The following DMXL2 variants were observed in gnomAD, a reference collection of about 807,000 sequenced individuals.
DMXL2 encodes Dmx like 2.
A neutral mutation model predicts 331.1 loss-of-function variants in DMXL2; 103 were observed. The ratio of observed to expected loss-of-function variants is 0.31; its 90% CI spans 0.27 to 0.37. The LOEUF is 0.37. Ranked by LOEUF, DMXL2 falls within the 10% of genes least tolerant of loss-of-function variation. DMXL2 has a pLI of 1.00. For synonymous variants in DMXL2, 1,281 were observed against 1,252.1 expected (o/e 1.02, Z -0.49); for missense variants, 3,171 against 3,642.9 (o/e 0.87, Z 3.33).
chr15:51,587,956 A>C (rs1437824240), intron 1 of DMXL2, among the ~76,000 whole-genome samples: 1 of 152,170 alleles, frequency 6.6e-6, no homozygotes, highest in Non-Finnish European at 1.5e-5. Context: ...TTTTGGCTGC[A>C]TAAATGTCTT....
intron 6 of DMXL2, among the ~76,000 whole-genome samples, chr15:51,555,185 C>T (rs1268412510): frequency 6.6e-6 from 1 of 152,108 alleles, no homozygotes; most frequent in South Asian, 2.1e-4. Flanking sequence ...AATCACTCCA[C>T]CTGCTGGTTT....
At chr15:51,615,635 G>A (rs2054241312) in intron 1 of DMXL2, among the ~76,000 whole-genome samples, 1 of 152,178 alleles carries the variant, frequency 6.6e-6, no homozygotes, top group African/African-American at 2.4e-5. Context: ...GGAGGAAGTG[G>A]CCTTTGCTGA....
intron 1 of DMXL2, among the ~76,000 whole-genome samples, chr15:51,620,434 G>A (rs1185855764): frequency 1.3e-5 from 2 of 152,172 alleles, no homozygotes; most frequent in South Asian, 2.1e-4. Context: ...TTTAGAGTAA[G>A]AAGATCAGTA....
rs563865272 is a variant in DMXL2, at chr15:51,555,799, A to G, written c.567+7582T>C. 2.0e-5 allele frequency among the ~76,000 whole-genome samples: 3 copies of G among 152,302 alleles called. 1 individual carries two copies. Among genetic ancestry groups the G allele is most frequent in the African/African-American group, 7.2e-5 (3 of 41,568 alleles). On this transcript the variant is annotated intron_variant, in intron 6 of 43. Coordinates refer to ENST00000560891, the MANE Select transcript of DMXL2 (RefSeq NM_001378457.1). ...ATACAACTTACCAAAACTGACATAC[A>G]AAAGAAAAAGAAAATCTGAATAATT...
At chr15:51,535,178 T>C (rs2048217625) in intron 13 of DMXL2, among the ~76,000 whole-genome samples, 1 of 152,208 alleles carries the variant, frequency 6.6e-6, no homozygotes, top group African/African-American at 2.4e-5. Flanking sequence ...CAACTCTAGA[T>C]ACTAACATAT....
intron 1 of DMXL2, among the ~76,000 whole-genome samples, chr15:51,600,475 T>A (rs2053149286): frequency 6.6e-6 from 1 of 152,222 alleles, no homozygotes; most frequent in South Asian, 2.1e-4. Flanking sequence ...TTTAGTTCCC[T>A]AGGTCCTTTC....
At chr15:51,485,935 C>A in intron 23 of DMXL2, 138 bp downstream of exon 23, 1 of 880,150 alleles carries the variant, frequency 1.1e-6, no homozygotes, top group Non-Finnish European at 1.7e-6. Context: ...CCTTTAGACA[C>A]ACAAGAAATT....
chr15:51,476,833 A>AT, intron 26 of DMXL2, 114 bp from the exon 27 acceptor site: 1 of 734,444 alleles, frequency 1.4e-6, no homozygotes, highest in South Asian at 2.8e-5. Flanking sequence ...CTTAAAATGC[A>AT]TTCACTGTTC....
chr15:51,605,604 C>T lies in DMXL2; in HGVS notation c.87+16855G>A, dbSNP rs540659477. ...CAGGCCGGACTGCGGACTGCAGTGGCGCAATCTCGGCTCACTGCAAGCTCC... is the reference window on the plus strand; with the variant it reads ...CAGGCCGGACTGCGGACTGCAGTGGTGCAATCTCGGCTCACTGCAAGCTCC... On this transcript the variant is annotated intron_variant, in intron 1 of 43. Transcript: ENST00000560891. Among the ~76,000 whole-genome samples the T allele has an allele frequency of 6.3e-4, 24 of 38,010 alleles. 6 individuals carry two copies. Among genetic ancestry groups the T allele is most frequent in the African/African-American group, 1.5e-3 (21 of 13,794 alleles). The allele number at this position is 38,010 out of a possible 152,430, so 24.9% of individuals were successfully genotyped here.
chr15:51,532,399 G>T (rs1257318255), intron 13 of DMXL2, among the ~76,000 whole-genome samples: 2 of 152,090 alleles, frequency 1.3e-5, no homozygotes, highest in African/African-American at 4.8e-5. Context: ...GTAAGGGATT[G>T]GCAGGGAGGT....
At chr15:51,492,964 T>G (rs2042915719) in intron 19 of DMXL2, among the ~76,000 whole-genome samples, 1 of 152,294 alleles carries the variant, frequency 6.6e-6, no homozygotes, top group South Asian at 2.1e-4. Flanking sequence ...AAGTATAAAA[T>G]AAAAACTATT....
At chr15:51,455,274 A>G (rs1210210006) in intron 39 of DMXL2, 46 bp from the exon 40 acceptor site, 1 of 1,484,076 alleles carries the variant, frequency 6.7e-7, no homozygotes, top group African/African-American at 1.4e-5. Context: ...TAGCATCCAC[A>G]GCAAAGGTAA....
intron 19 of DMXL2, among the ~76,000 whole-genome samples, chr15:51,493,905 T>C (rs992368946): frequency 3.3e-5 from 5 of 152,164 alleles, no homozygotes; most frequent in African/African-American, 1.2e-4. Flanking sequence ...ACTTCTTTTT[T>C]ATTTTATATT....
intron 1 of DMXL2, among the ~76,000 whole-genome samples, chr15:51,585,407 C>A (rs370275117): frequency 2.7e-5 from 4 of 150,234 alleles, no homozygotes; most frequent in African/African-American, 9.7e-5. Context: ...TTGTCTTTGG[C>A]TCTGTTTATA....
chr15:51,512,815 G>A (rs558729252), intron 15 of DMXL2, among the ~76,000 whole-genome samples: 7 of 135,412 alleles, frequency 5.2e-5, no homozygotes, highest in Non-Finnish European at 9.3e-5. Context: ...ACTCTGTCTC[G>A]GAAAAAAAAA....
At chr15:51,458,682 A>C in intron 35 of DMXL2, 27 bp downstream of exon 35, 1 of 1,613,594 alleles carries the variant, frequency 6.2e-7, no homozygotes, top group Non-Finnish European at 8.5e-7. Context: ...GGAGAAATAC[A>C]CTGTGTATAA....
intron 16 of DMXL2, among the ~76,000 whole-genome samples, chr15:51,506,731 G>C (rs1413006793): frequency 2.6e-5 from 4 of 152,128 alleles, no homozygotes; most frequent in African/African-American, 9.7e-5. Flanking sequence ...GGGATTACAG[G>C]CGTGAGCCAC....
chr15:51,580,825 C>T (rs2051358238), intron 1 of DMXL2, among the ~76,000 whole-genome samples: 1 of 152,116 alleles, frequency 6.6e-6, no homozygotes, highest in Non-Finnish European at 1.5e-5. Context: ...AATATTAACC[C>T]TCACTTGTTA....
At chr15:51,463,203 G>T in intron 33 of DMXL2, 176 bp downstream of exon 33, 2 of 461,722 alleles carry the variant, frequency 4.3e-6, no homozygotes, top group Non-Finnish European at 3.9e-6. Context: ...TTGTTTCATT[G>T]CTATGAAATG....
Sources: allele counts gnomAD v4.1 joint callset (sites outside exome capture counted in the v4.1 genomes callset), GRCh38; gene constraint gnomAD v4.1.1; transcripts MANE v1.5; gene names NCBI Gene and HGNC (gene_info 2026-07-23, HGNC 2026-07-21).